The following RNF216 variants were observed in gnomAD, a reference collection of about 807,000 sequenced individuals.
RNF216 encodes ring finger protein 216.
Under a neutral mutation model 110.8 loss-of-function variants are expected in RNF216, and 72 were observed. The ratio of observed to expected loss-of-function variants is 0.65; its 90% CI spans 0.54 to 0.79. The LOEUF (loss-of-function observed/expected upper bound fraction) is 0.79, where lower values mean the gene tolerates loss of function less well. RNF216 is among the 30% of genes least tolerant of loss of function. The pLI is 0.00. For missense variants in RNF216, 1,342 were observed against 1,141.2 expected, an observed-to-expected ratio of 1.18 and a Z score of -2.54; for synonymous variants, 495 against 407.5, an observed-to-expected ratio of 1.21 and a Z score of -2.59.
intron 2 of RNF216, chr7:5,760,493 G>T (rs747670544): frequency 1.1e-5 from 4 of 348,914 alleles, no homozygotes; most frequent in African/African-American, 2.2e-5. Context: ...TCTGGCCTGG[G>T]CAATGAGTAA....
chr7:5,651,944 G>T (rs1252918168), intron 14 of RNF216, among the ~76,000 whole-genome samples: 1 of 152,196 alleles, frequency 6.6e-6, no homozygotes, highest in Non-Finnish European at 1.5e-5. Context: ...ACTGCGCCTG[G>T]CCTGCATTTT....
At chr7:5,735,649 T>C (rs566235528) in intron 5 of RNF216, among the ~76,000 whole-genome samples, 200 of 152,248 alleles carry the variant, frequency 1.3e-3, no homozygotes, top group Admixed American at 2.5e-3. Flanking sequence ...GAGGTGGACT[T>C]AGAGACATGG....
intron 1 of RNF216, among the ~76,000 whole-genome samples, chr7:5,780,496 A>C (rs1196361795): frequency 6.6e-6 from 1 of 152,164 alleles, no homozygotes; most frequent in Non-Finnish European, 1.5e-5. Context: ...CAGACGTTAG[A>C]GACCAGCCTG....
At chr7:5,691,032 G>C (rs1482505629) in intron 13 of RNF216, among the ~76,000 whole-genome samples, 1 of 152,162 alleles carries the variant, frequency 6.6e-6, no homozygotes, top group Non-Finnish European at 1.5e-5. Context: ...TTTTCTGCCT[G>C]TCGTCTCTTC....
chr7:5,765,735 G>C (rs1307387172), intron 1 of RNF216, among the ~76,000 whole-genome samples: 3 of 149,614 alleles, frequency 2.0e-5, no homozygotes, highest in South Asian at 2.1e-4. Flanking sequence ...CTGAGCTCAG[G>C]AGTTTGCCAC....
chr7:5,641,022 G>C (rs943368783), intron 15 of RNF216, 132 bp downstream of exon 15: 52 of 701,656 alleles, frequency 7.4e-5, no homozygotes, highest in Non-Finnish European at 1.2e-5. Context: ...TTTTTCTTTG[G>C]TTATCAGTCT....
chr7:5,781,314 G>A (rs1797077594), intron 1 of RNF216, among the ~76,000 whole-genome samples: 1 of 152,092 alleles, frequency 6.6e-6, no homozygotes, highest in Admixed American at 6.5e-5. Context: ...CGGCCGCTCA[G>A]CGCCTTTGTC....
chr7:5,759,094 T>C (rs1795793648), intron 2 of RNF216, among the ~76,000 whole-genome samples: 1 of 152,170 alleles, frequency 6.6e-6, no homozygotes, highest in Non-Finnish European at 1.5e-5. Context: ...TGAGATCTGG[T>C]TGTTTAAAAG....
intron 1 of RNF216, among the ~76,000 whole-genome samples, chr7:5,781,063 C>A (rs1372237096): frequency 1.3e-5 from 2 of 152,196 alleles, no homozygotes; most frequent in Non-Finnish European, 2.9e-5. Flanking sequence ...CCAACTTTCG[C>A]GGAACACGCG....
chr7:5,711,803 A>G lies in RNF216; in HGVS notation c.2019T>C (p.Ser673=), dbSNP rs767238439. The G allele has an allele frequency of 6.2e-7, 1 of 1,613,950 alleles. No individual in the cohort carries two copies. The highest frequency in any genetic ancestry group is 1.3e-5 in the African/African-American group (1 of 75,030). Residue 673 remains serine (S), a synonymous_variant, in exon 13 of 17, where the codon AGT becomes AGC. Transcript: ENST00000389902. ...PSCSFPALLD[S]DVKRFSCPNP... is the part of the protein sequence containing the mutation. Reference sequence around the variant, plus strand: ...TAGGACAGCTGAACCTCTTCACATCACTGTCCAACAGAGCCGGAAAGCTAC... The same window carrying G: ...TAGGACAGCTGAACCTCTTCACATCGCTGTCCAACAGAGCCGGAAAGCTAC...
chr7:5,685,905 T>C lies in RNF216; in HGVS notation c.2061+25856A>G, dbSNP rs929886319. Among the ~76,000 whole-genome samples, 11 of 152,332 alleles carry C rather than the reference T, an allele frequency of 7.2e-5. No homozygotes were observed. In the East Asian group the frequency reaches 2.1e-3, roughly 29 times the overall value. ...TTTGGAGCACTATAATGCATTTCTA[T>C]GTACTGACCTTGTAGAAAACGATGT... On this transcript the variant is annotated intron_variant, in intron 13 of 16. Coordinates refer to ENST00000389902, the MANE Select transcript of RNF216 (RefSeq NM_207111.4).
At chr7:5,637,764 T>C (rs2128563969) in intron 15 of RNF216, among the ~76,000 whole-genome samples, 1 of 152,326 alleles carries the variant, frequency 6.6e-6, no homozygotes, top group South Asian at 2.1e-4. Context: ...GGTCTTGAAC[T>C]CCTGAGACTC....
chr7:5,742,442 T>G (rs1385537798), intron 3 of RNF216, among the ~76,000 whole-genome samples: 1 of 152,038 alleles, frequency 6.6e-6, no homozygotes, highest in East Asian at 1.9e-4. Flanking sequence ...GAATAAGAAA[T>G]GTTCAAAAAA....
At chr7:5,779,352 G>A (rs1382205436) in intron 1 of RNF216, among the ~76,000 whole-genome samples, 1 of 151,912 alleles carries the variant, frequency 6.6e-6, no homozygotes, top group Admixed American at 6.6e-5. Flanking sequence ...TTTGCCAGGG[G>A]GTCCAAAATC....
chr7:5,638,555 T>C (rs1787541135), intron 15 of RNF216, among the ~76,000 whole-genome samples: 1 of 152,058 alleles, frequency 6.6e-6, no homozygotes, highest in South Asian at 2.1e-4. Flanking sequence ...CAGGTACTAT[T>C]TTCATTTCCA....
At chr7:5,775,155 T>C (rs1227294417) in intron 1 of RNF216, 3 of 152,132 alleles carry the variant, frequency 2.0e-5, no homozygotes, top group Non-Finnish European at 2.9e-5. Context: ...ACCATGGCCA[T>C]AGAACCAGAG....
At chr7:5,736,085 T>A (rs1028450565) in intron 5 of RNF216, among the ~76,000 whole-genome samples, 1 of 150,456 alleles carries the variant, frequency 6.6e-6, no homozygotes, top group African/African-American at 2.4e-5. Flanking sequence ...AGAGTGAGAC[T>A]CCGTCTCAAA....
intron 13 of RNF216, among the ~76,000 whole-genome samples, chr7:5,669,263 C>T (rs766422005): frequency 6.6e-6 from 1 of 152,182 alleles, no homozygotes; most frequent in Non-Finnish European, 1.5e-5. Context: ...GAAGCTCTGA[C>T]CTCTTTTGAT....
chr7:5,668,349 G>C (rs181344247), intron 13 of RNF216, among the ~76,000 whole-genome samples: 377 of 151,598 alleles, frequency 2.5e-3, no homozygotes, highest in African/African-American at 8.5e-3. Context: ...TCAGCCTCCC[G>C]AGTAGTTGGG....
Sources: gnomAD v4.1 joint callset for allele counts (sites outside exome capture counted in the v4.1 genomes callset) on GRCh38, gnomAD v4.1.1 for gene constraint, MANE v1.5 for transcripts, NCBI Gene and HGNC (gene_info 2026-07-23, HGNC 2026-07-21) for gene names.